The following RHBDL2 variants were observed in gnomAD, a reference collection of about 807,000 sequenced individuals.
The protein encoded by RHBDL2 is rhomboid-related protein 2.
A neutral mutation model predicts 31.7 loss-of-function variants in RHBDL2; 26 were observed. That is an observed-to-expected ratio of 0.82 (90% CI 0.60 to 1.14). RHBDL2 has a LOEUF of 1.14. Among genes scored for constraint, RHBDL2 ranks in the 50% most tolerant of loss-of-function variants. The pLI, the probability that RHBDL2 is intolerant of heterozygous loss-of-function variation, is 0.00. For missense variants in RHBDL2, 336 were observed against 364.4 expected (o/e 0.92, Z 0.63); for synonymous variants, 123 against 127.2 (o/e 0.97, Z 0.22).
In RHBDL2 at chr1:38,902,412, AT is replaced by A. The variant is rs1349045664; in HGVS notation, c.509-6344del. Among the ~76,000 whole-genome samples, 24 of 106,570 alleles carry A rather than the reference AT, an allele frequency of 2.3e-4. No homozygotes were observed. In the East Asian group the frequency reaches 4.0e-3, roughly 18 times the overall value. 69.9% of individuals were successfully genotyped at this position (106,570 alleles called of 152,430 possible). A position where few individuals can be genotyped will look rare whatever the true frequency, so the allele number is the denominator to read the frequency against. ...TTACTTTATTTCATTTTATTTTTTTATTTTTTTTATTATTTTTTTTTTTTTG... is the reference window on the plus strand; with the variant it reads ...TTACTTTATTTCATTTTATTTTTTTATTTTTTTATTATTTTTTTTTTTTTG... On this transcript the variant is annotated intron_variant, in intron 4 of 7. Coordinates refer to ENST00000372990, the MANE Select transcript of RHBDL2 (RefSeq NM_017821.5).
At chr1:38,921,716 G>A (rs12057944) in intron 1 of RHBDL2, among the ~76,000 whole-genome samples, 2,720 of 151,998 alleles carry the variant, frequency 0.018, 68 homozygotes, top group African/African-American at 0.062. Flanking sequence ...CCACTCACCC[G>A]CCTCCCAGAG....
At chr1:38,893,974 T>A (rs544980487) in intron 5 of RHBDL2, among the ~76,000 whole-genome samples, 2 of 152,360 alleles carry the variant, frequency 1.3e-5, no homozygotes, top group Non-Finnish European at 2.9e-5. Context: ...ATTTCTAATA[T>A]AATTTATTGA....
At chr1:38,932,928 C>A (rs1426968374) in intron 1 of RHBDL2, among the ~76,000 whole-genome samples, 1 of 152,096 alleles carries the variant, frequency 6.6e-6, no homozygotes. Flanking sequence ...ATGTCTGACC[C>A]GAAATTACCC....
intron 4 of RHBDL2, among the ~76,000 whole-genome samples, chr1:38,901,762 G>C (rs1642992524): frequency 6.6e-6 from 1 of 151,334 alleles, no homozygotes; most frequent in Non-Finnish European, 1.5e-5. Context: ...CTTGAACCCG[G>C]TGCAGGTTGC....
At chr1:38,927,340 C>T (rs1439804600) in intron 1 of RHBDL2, among the ~76,000 whole-genome samples, 5 of 152,016 alleles carry the variant, frequency 3.3e-5, no homozygotes, top group South Asian at 2.1e-4. Context: ...GGCAGGAGAA[C>T]GGCATGAACC....
intron 1 of RHBDL2, among the ~76,000 whole-genome samples, chr1:38,933,953 C>A (rs575028239): frequency 1.3e-5 from 2 of 152,146 alleles, no homozygotes; most frequent in African/African-American, 4.8e-5. Context: ...GTCTCAAAAT[C>A]CTGACCTCAA....
intron 1 of RHBDL2, among the ~76,000 whole-genome samples, chr1:38,939,201 C>A (rs150502414): frequency 0.021 from 3,173 of 152,256 alleles, 39 homozygotes; most frequent in Middle Eastern, 0.051. Flanking sequence ...AGGCCAGTGT[C>A]TAGAGAGGTA....
intron 4 of RHBDL2, among the ~76,000 whole-genome samples, chr1:38,899,869 G>A (rs1329779121): frequency 3.9e-5 from 6 of 152,116 alleles, no homozygotes; most frequent in Non-Finnish European, 7.4e-5. Flanking sequence ...CATGGTCCTC[G>A]CTGCCCTTCC....
chr1:38,912,345 T>C, intron 3 of RHBDL2, among the ~76,000 whole-genome samples: 1 of 151,604 alleles, frequency 6.6e-6, no homozygotes, highest in Non-Finnish European at 1.5e-5. Context: ...ACCTCATTGA[T>C]CCACCCGCCT....
At chr1:38,917,524 T>C (rs564744978) in intron 2 of RHBDL2, among the ~76,000 whole-genome samples, 1 of 152,322 alleles carries the variant, frequency 6.6e-6, no homozygotes, top group South Asian at 2.1e-4. Flanking sequence ...TATCTCATTG[T>C]TCCCCATTCA....
chr1:38,931,656 C>G (rs1267942770), intron 1 of RHBDL2, among the ~76,000 whole-genome samples: 3 of 151,826 alleles, frequency 2.0e-5, no homozygotes, highest in Non-Finnish European at 4.4e-5. Flanking sequence ...TGGTAGCATT[C>G]CCTGAATGCC....
intron 6 of RHBDL2, 71 bp from the exon 7 acceptor site, chr1:38,888,095 T>A (rs1395301164): frequency 2.1e-6 from 2 of 943,822 alleles, no homozygotes; most frequent in African/African-American, 3.3e-5. Context: ...TTGGTTCCCC[T>A]CTAATAATAA....
intron 1 of RHBDL2, among the ~76,000 whole-genome samples, chr1:38,934,085 C>T (rs890867958): frequency 5.9e-5 from 9 of 152,112 alleles, no homozygotes; most frequent in African/African-American, 9.7e-5. Flanking sequence ...TGGTGGCTGA[C>T]GCATATAATC....
intron 5 of RHBDL2, among the ~76,000 whole-genome samples, chr1:38,893,613 A>G (rs1642879951): frequency 1.3e-5 from 2 of 152,160 alleles, no homozygotes; most frequent in Admixed American, 1.3e-4. Flanking sequence ...CTTTCCCAGT[A>G]GTATTTAGCA....
chr1:38,937,339 G>C (rs998284090), intron 1 of RHBDL2, among the ~76,000 whole-genome samples: 2 of 152,144 alleles, frequency 1.3e-5, no homozygotes, highest in African/African-American at 2.4e-5. Flanking sequence ...CTCTTTACTT[G>C]CTATCTCTCA....
Position 38,911,417 on chromosome 1 carries a change from C to G in RHBDL2, c.413G>C (p.Gly138Ala). The G allele has an allele frequency of 6.2e-7, 1 of 1,613,386 alleles. No individual in the cohort carries two copies. Among genetic ancestry groups the G allele is most frequent in the Non-Finnish European group, 8.5e-7 (1 of 1,179,570 alleles). Residue 138 changes from glycine to alanine, a missense_variant, in exon 4 of 8, where the codon GGG becomes GCG. Physicochemically the swap from Gly to Ala is moderately conservative, Grantham distance 60. Coordinates refer to ENST00000372990, the MANE Select transcript of RHBDL2 (RefSeq NM_017821.5). ...LVHAGVQHIL[G>A]NLCMQLVLGI... Reference sequence around the variant, plus strand: ...CAAAACAAGCTGCATACAAAGATTCCCCAAGATGTGCTGAACTCTGCAAAG... The same window carrying G: ...CAAAACAAGCTGCATACAAAGATTCGCCAAGATGTGCTGAACTCTGCAAAG...
intron 1 of RHBDL2, among the ~76,000 whole-genome samples, chr1:38,924,517 C>G (rs1488383732): frequency 6.6e-6 from 1 of 151,950 alleles, no homozygotes; most frequent in Admixed American, 6.6e-5. Flanking sequence ...TAGCATGAAC[C>G]CAGGAGGCGG....
At chr1:38,937,407 G>A (rs1476818255) in intron 1 of RHBDL2, among the ~76,000 whole-genome samples, 1 of 152,004 alleles carries the variant, frequency 6.6e-6, no homozygotes, top group Non-Finnish European at 1.5e-5. Context: ...AATGAATTTG[G>A]GATGGACAGA....
At chr1:38,916,714 A>C (rs563171490) in intron 2 of RHBDL2, among the ~76,000 whole-genome samples, 136 of 151,370 alleles carry the variant, frequency 9.0e-4, no homozygotes, top group South Asian at 1.5e-3. Context: ...AACAAACAAA[A>C]AAAAAAACTA....
Sources: gnomAD v4.1 joint callset for allele counts (sites outside exome capture counted in the v4.1 genomes callset) on GRCh38, gnomAD v4.1.1 for gene constraint, MANE v1.5 for transcripts, NCBI Gene and HGNC (gene_info 2026-07-23, HGNC 2026-07-21) for gene names.